Variants in LHFPL3 observed in about 807,000 individuals in gnomAD.
The protein encoded by LHFPL3 is LHFPL tetraspan subfamily member 3, also known as LHFPL tetraspan subfamily member 3 protein.
In LHFPL3, 5 loss-of-function variants were observed where a neutral mutation model predicts 19.3. The ratio of observed to expected loss-of-function variants is 0.26; its 90% CI spans 0.14 to 0.54. The LOEUF (loss-of-function observed/expected upper bound fraction) is 0.54, where lower values mean the gene tolerates loss of function less well. Among genes scored for constraint, LHFPL3 ranks in the 20% least tolerant of loss-of-function variants. The probability of loss-of-function intolerance (pLI) is 0.94; values close to 1 mark genes in which losing one functional copy is unlikely to be tolerated. For synonymous variants in LHFPL3, 133 were observed against 126.2 expected (o/e 1.05, Z -0.36); for missense variants, 249 against 307.4 (o/e 0.81, Z 1.42).
chr7:104,777,013 T>A (rs1442582926), intron 2 of LHFPL3, among the ~76,000 whole-genome samples: 1 of 152,172 alleles, frequency 6.6e-6, no homozygotes, highest in Non-Finnish European at 1.5e-5. Context: ...TCCAGTGTCA[T>A]CTGGAGGGCA....
intron 1 of LHFPL3, among the ~76,000 whole-genome samples, chr7:104,617,966 A>G (rs952615168): frequency 7.9e-5 from 12 of 152,176 alleles, no homozygotes; most frequent in African/African-American, 2.7e-4. Context: ...CTGAACAAGA[A>G]CTCACCGGCA....
At chr7:104,757,058 C>A (rs139649447) in intron 2 of LHFPL3, among the ~76,000 whole-genome samples, 194 of 152,222 alleles carry the variant, frequency 1.3e-3, no homozygotes, top group African/African-American at 4.4e-3. Context: ...AAGCTGCACA[C>A]CTACAACCAT....
At chr7:104,889,191 AG>A (rs957138744) in intron 2 of LHFPL3, among the ~76,000 whole-genome samples, 32 of 152,372 alleles carry the variant, frequency 2.1e-4, no homozygotes, top group African/African-American at 7.7e-4. Context: ...ATGTTAACAT[AG>A]TATTTAGACT....
intron 2 of LHFPL3, among the ~76,000 whole-genome samples, chr7:104,755,511 C>T (rs1442147538): frequency 6.6e-6 from 1 of 152,046 alleles, no homozygotes; most frequent in Non-Finnish European, 1.5e-5. Context: ...TAAGCAAGTT[C>T]TCTCTGTCTC....
At chr7:104,625,386 G>A (rs1434701307) in intron 1 of LHFPL3, among the ~76,000 whole-genome samples, 1 of 152,150 alleles carries the variant, frequency 6.6e-6, no homozygotes, top group Admixed American at 6.5e-5. Context: ...TGATCTAGGA[G>A]CAAAGTGCTG....
chr7:104,807,760 A>C (rs1790391603), intron 2 of LHFPL3, among the ~76,000 whole-genome samples: 1 of 152,366 alleles, frequency 6.6e-6, no homozygotes, highest in Admixed American at 6.5e-5. Context: ...CAAAAGATGT[A>C]AACAGTCACC....
At chr7:104,788,185 T>C (rs991552578) in intron 2 of LHFPL3, among the ~76,000 whole-genome samples, 8 of 152,342 alleles carry the variant, frequency 5.3e-5, no homozygotes. Context: ...TCTGTTCTTA[T>C]AATCTCTGAC....
chr7:104,497,245 G>T (rs989373457), intron 1 of LHFPL3, among the ~76,000 whole-genome samples: 1 of 145,294 alleles, frequency 6.9e-6, no homozygotes, highest in Non-Finnish European at 1.5e-5. Context: ...ACAAAACATT[G>T]CAAATTTACC....
chr7:104,875,866 T>A (rs749737622), intron 2 of LHFPL3, among the ~76,000 whole-genome samples: 1 of 152,118 alleles, frequency 6.6e-6, no homozygotes, highest in Non-Finnish European at 1.5e-5. Flanking sequence ...AATTTTTCCC[T>A]CCTCACTCTC....
At chr7:104,827,314 A>G (rs1344852293) in intron 2 of LHFPL3, among the ~76,000 whole-genome samples, 2 of 152,008 alleles carry the variant, frequency 1.3e-5, no homozygotes, top group African/African-American at 4.8e-5. Flanking sequence ...CTTTAAAGTG[A>G]GATTAATTTA....
At chr7:104,532,458 G>A (rs1390919048) in intron 1 of LHFPL3, among the ~76,000 whole-genome samples, 1 of 151,492 alleles carries the variant, frequency 6.6e-6, no homozygotes, top group South Asian at 2.1e-4. Flanking sequence ...ACTGTGCCCT[G>A]CTAATAATCT....
intron 1 of LHFPL3, among the ~76,000 whole-genome samples, chr7:104,692,159 G>T (rs1792916698): frequency 6.6e-6 from 1 of 152,192 alleles, no homozygotes; most frequent in African/African-American, 2.4e-5. Context: ...GCTCTTAAAA[G>T]AATTCAGTTT....
chr7:104,612,360 C>T (rs1333726364), intron 1 of LHFPL3, among the ~76,000 whole-genome samples: 1 of 151,952 alleles, frequency 6.6e-6, no homozygotes. Context: ...CCTGATTCCT[C>T]AGTAAATGGA....
intron 1 of LHFPL3, among the ~76,000 whole-genome samples, chr7:104,466,021 A>G (rs540383844): frequency 2.6e-5 from 4 of 152,322 alleles, no homozygotes; most frequent in Admixed American, 2.6e-4. Flanking sequence ...CATGTGGCGA[A>G]GAGAAGAATA....
At chr7:104,860,438 G>A (rs972506391) in intron 2 of LHFPL3, among the ~76,000 whole-genome samples, 4 of 152,156 alleles carry the variant, frequency 2.6e-5, no homozygotes, top group Admixed American at 2.6e-4. Context: ...AATAAAGGGA[G>A]CTCATAACAT....
In LHFPL3 at chr7:104,731,225, T is replaced by C. The variant is rs574400066; in HGVS notation, c.446-5450T>C. On this transcript the variant is annotated intron_variant, in intron 1 of 2. Coordinates refer to ENST00000424859, the MANE Select transcript of LHFPL3 (RefSeq NM_199000.3). Reference sequence around the variant, plus strand: ...TTGGCTTAGGATTGACTTGGCGATGTGGGCTCTTAAAGTAGTTTTTTCCAA... The same window carrying C: ...TTGGCTTAGGATTGACTTGGCGATGCGGGCTCTTAAAGTAGTTTTTTCCAA... Among the ~76,000 whole-genome samples, 13 of 151,600 alleles carry C rather than the reference T, an allele frequency of 8.6e-5. No individual in the cohort carries two copies. The East Asian group carries it at 2.3e-3, about 27-fold the overall frequency.
chr7:104,642,666 C>T (rs950172496), intron 1 of LHFPL3, among the ~76,000 whole-genome samples: 7 of 152,140 alleles, frequency 4.6e-5, no homozygotes, highest in Admixed American at 2.0e-4. Context: ...GAAATACAGC[C>T]ACTGCTTGCC....
intron 1 of LHFPL3, chr7:104,668,220 G>A: frequency 1.2e-6 from 2 of 1,613,422 alleles, no homozygotes; most frequent in Non-Finnish European, 1.7e-6. Flanking sequence ...GAGTCTCAAT[G>A]AAGAGTCTCT....
At chr7:104,844,960 G>A (rs1791285210) in intron 2 of LHFPL3, among the ~76,000 whole-genome samples, 1 of 152,168 alleles carries the variant, frequency 6.6e-6, no homozygotes, top group Non-Finnish European at 1.5e-5. Context: ...GGCTAATCTC[G>A]AACTCCTGAC....
Sources: allele counts gnomAD v4.1 joint callset (sites outside exome capture counted in the v4.1 genomes callset), GRCh38; gene constraint gnomAD v4.1.1; transcripts MANE v1.5; gene names NCBI Gene and HGNC (gene_info 2026-07-23, HGNC 2026-07-21).